Variants in QTGAL observed in about 807,000 individuals in gnomAD.
The protein encoded by QTGAL is BGnT-like protein 1.
the QTGAL span, among the ~76,000 whole-genome samples, chr17:82,959,182 C>T: frequency 1.5e-4 from 23 of 151,764 alleles, no homozygotes; most frequent in Non-Finnish European, 1.2e-4. Context: ...TACATGAGCA[C>T]GTGTACAGTG....
At chr17:83,023,895 C>A in the QTGAL span, among the ~76,000 whole-genome samples, 1 of 152,220 alleles carries the variant, frequency 6.6e-6, no homozygotes, top group Non-Finnish European at 1.5e-5. Flanking sequence ...TGTGTCATCA[C>A]AAAGGAGGTT....
At chr17:83,043,263 C>T in the QTGAL span, among the ~76,000 whole-genome samples, 10 of 152,198 alleles carry the variant, frequency 6.6e-5, no homozygotes, top group African/African-American at 9.7e-5. Flanking sequence ...ACAGGTGACA[C>T]GTCCGGCCAT....
chr17:83,014,568 C>T, the QTGAL span: 2 of 1,598,532 alleles, frequency 1.3e-6, no homozygotes, highest in South Asian at 2.2e-5. Flanking sequence ...TTGATTGATG[C>T]ATAGACTAAT....
the QTGAL span, among the ~76,000 whole-genome samples, chr17:82,987,462 G>A: frequency 6.6e-6 from 1 of 152,174 alleles, no homozygotes; most frequent in Admixed American, 6.5e-5. Context: ...AGTCACATGG[G>A]TATAACGGTT....
chr17:83,050,043 C>T, the QTGAL span, among the ~76,000 whole-genome samples: 2 of 152,202 alleles, frequency 1.3e-5, no homozygotes, highest in Non-Finnish European at 2.9e-5. Context: ...TGAAACCTCA[C>T]TCTGTCTCTT....
chr17:83,002,403 G>C, the QTGAL span, among the ~76,000 whole-genome samples: 1 of 152,208 alleles, frequency 6.6e-6, no homozygotes, highest in Admixed American at 6.5e-5. Flanking sequence ...ACGTTACTTA[G>C]AAAAGTAGCC....
the QTGAL span, among the ~76,000 whole-genome samples, chr17:83,011,247 A>C: frequency 1.3e-5 from 2 of 152,260 alleles, no homozygotes; most frequent in Non-Finnish European, 2.9e-5. Flanking sequence ...GGCAAGTTAC[A>C]GGGCGCAATG....
the QTGAL span, among the ~76,000 whole-genome samples, chr17:83,019,772 T>C: frequency 6.6e-6 from 1 of 152,090 alleles, no homozygotes; most frequent in Admixed American, 6.6e-5. Context: ...TTGCTCTTCT[T>C]GCCCAGGCTG....
the QTGAL span, among the ~76,000 whole-genome samples, chr17:82,969,641 C>T: frequency 6.6e-6 from 1 of 152,202 alleles, no homozygotes; most frequent in Non-Finnish European, 1.5e-5. Context: ...CACCTGTCAA[C>T]AGCCACTGCA....
At chr17:83,018,359 G>A in the QTGAL span, among the ~76,000 whole-genome samples, 40 of 152,352 alleles carry the variant, frequency 2.6e-4, no homozygotes, top group Middle Eastern at 6.8e-3. Flanking sequence ...CACGTGCTCC[G>A]TGAACATGTA....
chr17:83,011,987 G>A, the QTGAL span, among the ~76,000 whole-genome samples: 5 of 139,548 alleles, frequency 3.6e-5, no homozygotes, highest in Non-Finnish European at 6.2e-5. Context: ...CACACGCCAC[G>A]AACTCCTCGT....
At chr17:83,033,662 G>A in the QTGAL span, among the ~76,000 whole-genome samples, 1 of 151,642 alleles carries the variant, frequency 6.6e-6, no homozygotes, top group Non-Finnish European at 1.5e-5. Context: ...TAGTAGAGAC[G>A]GGGTTTCACC....
At chr17:82,957,183 G>A in the QTGAL span, 1 of 1,614,202 alleles carries the variant, frequency 6.2e-7, no homozygotes, top group Non-Finnish European at 8.5e-7. Context: ...CTGCACACCT[G>A]AGAGTCCTCG....
chr17:83,031,692 C>T, the QTGAL span, among the ~76,000 whole-genome samples: 1 of 152,222 alleles, frequency 6.6e-6, no homozygotes, highest in South Asian at 2.1e-4. Context: ...AGGGAGGCTC[C>T]ACTCTGACTG....
the QTGAL span, chr17:83,006,252 T>C: frequency 3.0e-6 from 3 of 985,480 alleles, no homozygotes; most frequent in Admixed American, 6.1e-5. This position sits in a 1 kb window ranked among gnomAD's most constrained non-coding sequence, Gnocchi z 5.8. Context: ...CACCGAGGCA[T>C]CTGAGGCCCC....
chr17:82,972,733 C>T, the QTGAL span, among the ~76,000 whole-genome samples: 1 of 135,820 alleles, frequency 7.4e-6, no homozygotes, highest in African/African-American at 3.2e-5. Context: ...GACCACACCA[C>T]ACCACAGGGG....
At chr17:82,944,628 G>A in the QTGAL span, 1 of 152,346 alleles carries the variant, frequency 6.6e-6, no homozygotes, top group African/African-American at 2.4e-5. Context: ...TCCCAGAAGT[G>A]GAGCAAGCTT....
chr17:82,958,284 A>G, the QTGAL span, among the ~76,000 whole-genome samples: 6 of 151,930 alleles, frequency 3.9e-5, no homozygotes, highest in African/African-American at 9.7e-5. Flanking sequence ...GTCCTCCCCA[A>G]TGGCCGCGAT....
At chr17:83,034,905 A>T in the QTGAL span, 1 of 742,882 alleles carries the variant, frequency 1.3e-6, no homozygotes, top group Non-Finnish European at 2.2e-6. Context: ...ATGAAAACGG[A>T]CTAACACATT....
Sources: gnomAD v4.1 joint callset for allele counts (sites outside exome capture counted in the v4.1 genomes callset) on GRCh38, gnomAD v4.1.1 for gene constraint, Gnocchi (gnomAD v3.1) non-coding constraint, MANE v1.5 for transcripts, NCBI Gene and HGNC (gene_info 2026-07-23, HGNC 2026-07-21) for gene names.